Variants in HLCS observed in about 807,000 individuals in gnomAD.
HLCS encodes biotin--protein ligase.
HLCS carries 53 observed loss-of-function variants against 75.0 expected under a neutral mutation model. The observed-to-expected ratio is 0.71, with a 90% CI of 0.57 to 0.89. The LOEUF (loss-of-function observed/expected upper bound fraction) is 0.89. Ranked by LOEUF, HLCS falls within the 40% of genes least tolerant of loss-of-function variation. The pLI, the probability that HLCS is intolerant of heterozygous loss-of-function variation, is 0.00. For missense variants in HLCS, 966 were observed against 1,074.0 expected (o/e 0.90, Z 1.41); for synonymous variants, 431 against 428.6 (o/e 1.01, Z -0.07).
intron 6 of HLCS, among the ~76,000 whole-genome samples, chr21:36,867,832 T>G (rs936298999): frequency 6.6e-6 from 1 of 152,132 alleles, no homozygotes; most frequent in Non-Finnish European, 1.5e-5. Flanking sequence ...TATCCCAACA[T>G]AGAAACATAC....
intron 6 of HLCS, among the ~76,000 whole-genome samples, chr21:36,887,307 A>C (rs1018750444): frequency 3.9e-5 from 6 of 152,326 alleles, no homozygotes; most frequent in African/African-American, 1.4e-4. Flanking sequence ...AGACATCAAC[A>C]TCAACGCTGA....
At position 36,751,705 on chromosome 21, in the gene HLCS, G is replaced by C. The variant is rs184935954; in HGVS notation, c.*2541C>G. On this transcript the variant is annotated 3_prime_UTR_variant, in exon 11 of 11. Transcript: ENST00000674895. Reference sequence around the variant, plus strand: ...CAGTGCCAGAGAGCACTGCTGGGGTGGGGGTGGGGACAGGAAGCCCAGTTA... The same window carrying C: ...CAGTGCCAGAGAGCACTGCTGGGGTCGGGGTGGGGACAGGAAGCCCAGTTA... The C allele has an allele frequency of 6.6e-6, 1 of 152,362 alleles. No individual in the cohort carries two copies. Among genetic ancestry groups the C allele is most frequent in the African/African-American group, 2.4e-5 (1 of 41,568 alleles). 9.4% of individuals were successfully genotyped at this position (152,362 alleles called of 1,614,324 possible). A position where few individuals can be genotyped will look rare whatever the true frequency, so the allele number is the denominator to read the frequency against.
intron 8 of HLCS, among the ~76,000 whole-genome samples, chr21:36,760,565 G>A (rs560884007): frequency 1.2e-4 from 18 of 151,364 alleles, no homozygotes; most frequent in South Asian, 2.1e-4. Context: ...AGCCGAGATC[G>A]TGCCACTGCA....
intron 6 of HLCS, among the ~76,000 whole-genome samples, chr21:36,798,230 G>C (rs546733482): frequency 8.5e-5 from 13 of 152,294 alleles, no homozygotes; most frequent in African/African-American, 2.6e-4. Flanking sequence ...GCAGGTATTT[G>C]GGGGAGGAAG....
chr21:36,824,858 C>T (rs1023151), intron 6 of HLCS, among the ~76,000 whole-genome samples: 18,200 of 152,202 alleles, frequency 0.12, 1,495 homozygotes, highest in Non-Finnish European at 0.18. Context: ...ACTGAAGAGA[C>T]GGCAGCCAAA....
At chr21:36,908,963 G>A (rs1442795261) in intron 5 of HLCS, among the ~76,000 whole-genome samples, 1 of 152,192 alleles carries the variant, frequency 6.6e-6, no homozygotes, top group African/African-American at 2.4e-5. Flanking sequence ...GGGAGGCTGA[G>A]GCGGGCGGAT....
At chr21:36,846,045 G>C (rs939824834) in intron 6 of HLCS, among the ~76,000 whole-genome samples, 16 of 152,136 alleles carry the variant, frequency 1.1e-4, no homozygotes, top group African/African-American at 3.4e-4. Flanking sequence ...AGCTCTAAAA[G>C]TTGATACAAA....
At chr21:36,930,048 C>A (rs527510475) in intron 5 of HLCS, among the ~76,000 whole-genome samples, 4 of 152,352 alleles carry the variant, frequency 2.6e-5, no homozygotes, top group African/African-American at 9.6e-5. Context: ...CCTTTCTAAA[C>A]TCTACTAGTT....
At chr21:36,844,387 T>C (rs79648091) in intron 6 of HLCS, among the ~76,000 whole-genome samples, 2,066 of 152,134 alleles carry the variant, frequency 0.014, 38 homozygotes, top group African/African-American at 0.047. Context: ...GGAGGGAGTA[T>C]ATGGGAACTC....
At chr21:36,970,637 G>A (rs899739730), upstream of HLCS, among the ~76,000 whole-genome samples, 10 of 151,032 alleles carry the variant, frequency 6.6e-5, no homozygotes, top group Non-Finnish European at 8.9e-5. Context: ...CCAAAGTACC[G>A]GGATTACAAG....
chr21:36,911,437 G>A (rs943888864), intron 5 of HLCS, among the ~76,000 whole-genome samples: 2 of 152,092 alleles, frequency 1.3e-5, no homozygotes, highest in African/African-American at 4.8e-5. Flanking sequence ...GACTATTTTG[G>A]TAGTTCCTCA....
chr21:36,801,764 A>C (rs1243171588), intron 6 of HLCS, among the ~76,000 whole-genome samples: 2 of 151,908 alleles, frequency 1.3e-5, no homozygotes, highest in Non-Finnish European at 2.9e-5. Flanking sequence ...AAAAATTGCA[A>C]ACAGATTGAT....
At chr21:36,815,412 A>G (rs1053864931) in intron 6 of HLCS, among the ~76,000 whole-genome samples, 4 of 152,246 alleles carry the variant, frequency 2.6e-5, no homozygotes, top group African/African-American at 9.6e-5. Flanking sequence ...ACTGTGAGAA[A>G]TAACCACTAC....
chr21:36,801,555 A>G (rs2061201051), intron 6 of HLCS, among the ~76,000 whole-genome samples: 1 of 152,232 alleles, frequency 6.6e-6, no homozygotes, highest in African/African-American at 2.4e-5. Flanking sequence ...CCTGTCTACA[A>G]AGCTTTTGGC....
chr21:36,802,518 T>TA (rs1465078357), intron 6 of HLCS, among the ~76,000 whole-genome samples: 1 of 152,168 alleles, frequency 6.6e-6, no homozygotes, highest in Non-Finnish European at 1.5e-5. Flanking sequence ...ATTTAGTCAA[T>TA]AAAAAAAGTT....
intron 6 of HLCS, among the ~76,000 whole-genome samples, chr21:36,830,001 G>A (rs956752787): frequency 1.3e-5 from 2 of 152,222 alleles, no homozygotes; most frequent in African/African-American, 4.8e-5. Context: ...TGTATTTAGA[G>A]ACAGGGTCTT....
intron 6 of HLCS, among the ~76,000 whole-genome samples, chr21:36,882,048 C>T (rs993427689): frequency 2.6e-5 from 4 of 151,850 alleles, no homozygotes; most frequent in Admixed American, 6.6e-5. Flanking sequence ...TTTGGGAGGC[C>T]GAAGCGGGCG....
At chr21:36,875,366 G>A (rs570152174) in intron 6 of HLCS, among the ~76,000 whole-genome samples, 2 of 152,258 alleles carry the variant, frequency 1.3e-5, no homozygotes, top group African/African-American at 4.8e-5. Flanking sequence ...GGACACCCAA[G>A]GACCAGTCAG....
At chr21:36,859,303 G>A (rs2063307212) in intron 6 of HLCS, among the ~76,000 whole-genome samples, 1 of 152,210 alleles carries the variant, frequency 6.6e-6, no homozygotes, top group Non-Finnish European at 1.5e-5. Flanking sequence ...TTACAGGCGT[G>A]AGCCACCATG....
Sources: gnomAD v4.1 joint callset for allele counts (sites outside exome capture counted in the v4.1 genomes callset) on GRCh38, gnomAD v4.1.1 for gene constraint, MANE v1.5 for transcripts, NCBI Gene and HGNC (gene_info 2026-07-23, HGNC 2026-07-21) for gene names.